PTGER3: variants seen among roughly 807,000 people sequenced by gnomAD.
The protein encoded by PTGER3 is prostaglandin E2 receptor EP3 subtype.
A neutral mutation model predicts 34.7 loss-of-function variants in PTGER3; 22 were observed. The ratio of observed to expected loss-of-function variants is 0.63; its 90% CI spans 0.45 to 0.91. PTGER3 has a LOEUF of 0.91. PTGER3 is among the 40% of genes least tolerant of loss of function. The probability of loss-of-function intolerance (pLI) is 0.00; values close to 1 mark genes in which losing one functional copy is unlikely to be tolerated. For synonymous variants in PTGER3, 241 were observed against 230.1 expected (o/e 1.05, Z -0.43); for missense variants, 468 against 519.4 (o/e 0.90, Z 0.96).
intron 3 of PTGER3, among the ~76,000 whole-genome samples, chr1:70,953,278 G>A (rs1046589460): frequency 6.6e-6 from 1 of 152,102 alleles, no homozygotes; most frequent in African/African-American, 2.4e-5. Context: ...AGGGATTTGA[G>A]CATCCTGGGA....
intron 1 of PTGER3, among the ~76,000 whole-genome samples, chr1:71,028,443 G>C (rs1659131701): frequency 6.6e-6 from 1 of 152,016 alleles, no homozygotes; most frequent in African/African-American, 2.4e-5. Flanking sequence ...CCCTAATTTT[G>C]GATTTCAGTT....
chr1:70,929,441 G>A (rs1160124187), intron 4 of PTGER3, among the ~76,000 whole-genome samples: 2 of 152,060 alleles, frequency 1.3e-5, no homozygotes, highest in Non-Finnish European at 2.9e-5. Context: ...AATTAAATGG[G>A]TAATGACTGA....
chr1:70,872,709 A>T (rs890592774), intron 4 of PTGER3, among the ~76,000 whole-genome samples: 1 of 152,212 alleles, frequency 6.6e-6, no homozygotes, highest in East Asian at 1.9e-4. Context: ...TTATAAAATT[A>T]ACAAAAATTG....
chr1:71,041,049 C>T (rs957363430), intron 1 of PTGER3, among the ~76,000 whole-genome samples: 7 of 152,174 alleles, frequency 4.6e-5, no homozygotes, highest in Non-Finnish European at 1.0e-4. Context: ...TCATATGCTG[C>T]CCAACTGTCA....
At chr1:70,956,752 C>T (rs12569051) in intron 2 of PTGER3, among the ~76,000 whole-genome samples, 20,429 of 152,094 alleles carry the variant, frequency 0.13, 1,879 homozygotes, top group East Asian at 0.3. Context: ...AGCTGTAATC[C>T]TGACACTTTG....
chr1:71,036,938 A>G (rs1425416539), intron 1 of PTGER3, among the ~76,000 whole-genome samples: 2 of 152,158 alleles, frequency 1.3e-5, no homozygotes, highest in Admixed American at 6.5e-5. Flanking sequence ...CTAGAGCAGC[A>G]TGTGGCCTGA....
intron 4 of PTGER3, among the ~76,000 whole-genome samples, chr1:70,938,969 AG>A (rs1649503834): frequency 6.6e-6 from 1 of 152,172 alleles, no homozygotes; most frequent in Non-Finnish European, 1.5e-5. Flanking sequence ...AACTCATTTC[AG>A]CATTAACCCA....
At chr1:70,939,426 G>C (rs1315448066) in intron 4 of PTGER3, among the ~76,000 whole-genome samples, 2 of 152,188 alleles carry the variant, frequency 1.3e-5, no homozygotes, top group Admixed American at 1.3e-4. Context: ...TCTTCTTACA[G>C]CTCCACTAGG....
At chr1:70,973,265 AGAT>A (rs1292691640) in intron 3 of PTGER3, among the ~76,000 whole-genome samples, 1 of 144,820 alleles carries the variant, frequency 6.9e-6, no homozygotes, top group Non-Finnish European at 1.5e-5. Context: ...ATAGATAGAT[AGAT>A]GATAGATACG....
chr1:71,044,859 A>G (rs1014122815), intron 1 of PTGER3, among the ~76,000 whole-genome samples: 27 of 152,216 alleles, frequency 1.8e-4, no homozygotes, highest in Non-Finnish European at 3.7e-4. Context: ...TGATACAGCA[A>G]ACTCAAAGAT....
intron 4 of PTGER3, among the ~76,000 whole-genome samples, chr1:70,911,556 A>G (rs1647061943): frequency 6.6e-6 from 1 of 151,980 alleles, no homozygotes; most frequent in African/African-American, 2.4e-5. Flanking sequence ...AAAAGTACTC[A>G]GAAAGTGTGA....
intron 4 of PTGER3, among the ~76,000 whole-genome samples, chr1:70,911,075 AT>A (rs1377001128): frequency 7.3e-6 from 1 of 137,724 alleles, no homozygotes; most frequent in Non-Finnish European, 1.6e-5. Context: ...GCGAGACTCC[AT>A]TTAAAAAAAA....
chr1:70,913,901 T>G (rs972148111), intron 4 of PTGER3, among the ~76,000 whole-genome samples: 1 of 151,866 alleles, frequency 6.6e-6, no homozygotes, highest in Non-Finnish European at 1.5e-5. Flanking sequence ...TTTGTGTCTA[T>G]CTTCATGAAA....
At chr1:71,008,135 G>A (rs1479489013) in intron 2 of PTGER3, 9 of 977,250 alleles carry the variant, frequency 9.2e-6, no homozygotes, top group Non-Finnish European at 1.1e-5. Flanking sequence ...GTGAAAGAAT[G>A]GATAAGCACA....
intron 4 of PTGER3, among the ~76,000 whole-genome samples, chr1:70,940,500 T>A (rs1207260435): frequency 6.6e-6 from 1 of 152,088 alleles, no homozygotes; most frequent in African/African-American, 2.4e-5. Context: ...TACCCGAGAC[T>A]GGGAAGAAAA....
chr1:71,010,680 G>C (rs2100850624), intron 2 of PTGER3: 1 of 983,892 alleles, frequency 1.0e-6, no homozygotes, highest in Non-Finnish European at 1.2e-6. Flanking sequence ...CTATGGCATA[G>C]AGAGATTTTA....
At chr1:70,926,526 A>AT (rs1450675187) in intron 4 of PTGER3, among the ~76,000 whole-genome samples, 1 of 152,152 alleles carries the variant, frequency 6.6e-6, no homozygotes, top group African/African-American at 2.4e-5. Flanking sequence ...TTGTACATTG[A>AT]TTTTGTATCC....
intron 4 of PTGER3, among the ~76,000 whole-genome samples, chr1:70,932,770 T>G (rs1480706006): frequency 1.3e-5 from 2 of 152,238 alleles, no homozygotes; most frequent in East Asian, 3.9e-4. Context: ...AGAGCCAAAC[T>G]ATATCACCTC....
chr1:70,936,773 G>A (rs1649271950), intron 4 of PTGER3, among the ~76,000 whole-genome samples: 1 of 152,078 alleles, frequency 6.6e-6, no homozygotes. Context: ...TTATTTGGAA[G>A]GTATCAGGAA....
Sources: allele counts gnomAD v4.1 joint callset (sites outside exome capture counted in the v4.1 genomes callset), GRCh38; gene constraint gnomAD v4.1.1; transcripts MANE v1.5; gene names NCBI Gene and HGNC (gene_info 2026-07-23, HGNC 2026-07-21).